The following DPP6 variants were observed in gnomAD, a reference collection of about 807,000 sequenced individuals.
DPP6 encodes the protein dipeptidyl peptidase like 6.
In DPP6, 69 loss-of-function variants were observed where a neutral mutation model predicts 122.6. That is an observed-to-expected ratio of 0.56 (90% confidence interval 0.46 to 0.69). The LOEUF is 0.69. DPP6 is among the 30% of genes least tolerant of loss of function. The pLI is 0.00. For missense variants in DPP6, 928 were observed against 1,116.9 expected, an observed-to-expected ratio of 0.83 and a Z score of 2.41; for synonymous variants, 418 against 433.1, an observed-to-expected ratio of 0.97 and a Z score of 0.43.
chr7:154,178,682 G>A lies in DPP6; in HGVS notation c.243+125619G>A, dbSNP rs533521927. 3.3e-5 allele frequency among the ~76,000 whole-genome samples: 5 copies of A among 152,278 alleles called. No individual in the cohort carries two copies. In the East Asian group the frequency reaches 7.7e-4, roughly 24 times the overall value. On this transcript the variant is annotated intron_variant, in intron 1 of 25. Transcript: ENST00000377770. ...CTTTATGCTGAAATACACAGATCAC[G>A]TTTATATAGGATTTTATCATTTGAA...
chr7:154,547,748 C>G (rs1268284198), intron 4 of DPP6, among the ~76,000 whole-genome samples: 4 of 152,154 alleles, frequency 2.6e-5, no homozygotes, highest in African/African-American at 4.8e-5. Flanking sequence ...TCCTGTGTCT[C>G]AGAGGGTCTC....
At chr7:154,425,621 G>GGGGT (rs1554545601) in intron 1 of DPP6, among the ~76,000 whole-genome samples, 12 of 121,458 alleles carry the variant, frequency 9.9e-5, no homozygotes, top group Admixed American at 6.1e-4. Context: ...TGTGTGTGTG[G>GGGGT]GTGTGTGTGT....
At chr7:153,943,231 A>T (rs1363769695) in intron 1 of DPP6, among the ~76,000 whole-genome samples, 1 of 152,244 alleles carries the variant, frequency 6.6e-6, no homozygotes, top group Non-Finnish European at 1.5e-5. Flanking sequence ...TGGCCAGCTC[A>T]TGACACTATG....
chr7:154,790,451 G>A (rs1797601736), intron 10 of DPP6, among the ~76,000 whole-genome samples: 1 of 152,122 alleles, frequency 6.6e-6, no homozygotes, highest in African/African-American at 2.4e-5. Flanking sequence ...ATGGATGCAT[G>A]TATGTAAAAA....
intron 1 of DPP6, among the ~76,000 whole-genome samples, chr7:153,942,684 C>T (rs577578771): frequency 7.9e-5 from 12 of 152,292 alleles, no homozygotes; most frequent in East Asian, 5.8e-4. Context: ...CTTGCCAGAG[C>T]GGGCTGTGTC....
the DPP6 span, among the ~76,000 whole-genome samples, chr7:153,772,962 TA>T: frequency 1.2e-5 from 1 of 85,908 alleles, no homozygotes; most frequent in African/African-American, 5.0e-5. Flanking sequence ...TAATAATATA[TA>T]AAAGAAAAGA....
At chr7:154,646,594 T>G (rs1338280995) in intron 6 of DPP6, among the ~76,000 whole-genome samples, 2 of 152,228 alleles carry the variant, frequency 1.3e-5, no homozygotes, top group Admixed American at 1.3e-4. Context: ...GTTAGATGGC[T>G]ACTTCCATTG....
chr7:154,206,250 T>C (rs949138774), intron 1 of DPP6, among the ~76,000 whole-genome samples: 2 of 152,194 alleles, frequency 1.3e-5, no homozygotes, highest in African/African-American at 4.8e-5. Context: ...GTGGCTCTCA[T>C]CAAGATCTTT....
chr7:153,982,125 T>C (rs1393226169), intron 1 of DPP6, among the ~76,000 whole-genome samples: 2 of 152,088 alleles, frequency 1.3e-5, no homozygotes, highest in African/African-American at 4.8e-5. Flanking sequence ...CTGGATAATA[T>C]CCTGAAGTGT....
chr7:153,918,528 CACACA>C (rs2129006792), intron 1 of DPP6, among the ~76,000 whole-genome samples: 2 of 67,390 alleles, frequency 3.0e-5, no homozygotes, highest in Non-Finnish European at 6.1e-5. Context: ...AATTAAAACA[CACACA>C]CACACACACA....
At chr7:154,777,354 A>T (rs1261204891) in intron 10 of DPP6, among the ~76,000 whole-genome samples, 1 of 152,172 alleles carries the variant, frequency 6.6e-6, no homozygotes, top group African/African-American at 2.4e-5. Context: ...CCCTCTTGGG[A>T]AACGGTTCTA....
chr7:154,880,969 A>T lies in DPP6; in HGVS notation c.2133+27A>T, dbSNP rs3817520. 513,753 of 1,611,860 alleles carry T rather than the reference A, an allele frequency of 0.32. 86,303 individuals carry two copies. The highest frequency in any genetic ancestry group is 0.53 in the East Asian group (23,782 of 44,778). On this transcript the variant is annotated intron_variant, in intron 21 of 25. Transcript: ENST00000377770. Reference sequence around the variant, plus strand: ...TGAGTCTGCGCCACCCTGGTCTGAAAACCCCTCAGTTCCAGTGTGGCCTGC... The same window carrying T: ...TGAGTCTGCGCCACCCTGGTCTGAATACCCCTCAGTTCCAGTGTGGCCTGC...
chr7:154,272,342 T>C (rs1803850372), intron 1 of DPP6, among the ~76,000 whole-genome samples: 1 of 152,234 alleles, frequency 6.6e-6, no homozygotes, highest in Non-Finnish European at 1.5e-5. Context: ...CTGTTACTTC[T>C]TATGGTCCTT....
At chr7:154,520,445 C>T (rs1240359847) in intron 3 of DPP6, among the ~76,000 whole-genome samples, 1 of 152,258 alleles carries the variant, frequency 6.6e-6, no homozygotes, top group Admixed American at 6.5e-5. Flanking sequence ...CTGCATACTT[C>T]TGGCATAGCC....
intron 8 of DPP6, among the ~76,000 whole-genome samples, chr7:154,756,315 T>C (rs1359107371): frequency 6.6e-6 from 1 of 152,184 alleles, no homozygotes; most frequent in African/African-American, 2.4e-5. Context: ...TGCGGCTTCC[T>C]CTGCTCCCTC....
chr7:154,754,391 T>G (rs1188887463), intron 8 of DPP6, among the ~76,000 whole-genome samples: 1 of 152,230 alleles, frequency 6.6e-6, no homozygotes, highest in Non-Finnish European at 1.5e-5. Flanking sequence ...AAATCCAAAC[T>G]CTGGTAAATC....
chr7:154,367,282 A>G (rs1262508713), intron 1 of DPP6, among the ~76,000 whole-genome samples: 1 of 152,248 alleles, frequency 6.6e-6, no homozygotes, highest in Non-Finnish European at 1.5e-5. Context: ...AGACATTTCT[A>G]CTAGCCTTGG....
intron 1 of DPP6, among the ~76,000 whole-genome samples, chr7:153,924,596 G>C (rs2129010328): frequency 6.6e-6 from 1 of 152,304 alleles, no homozygotes; most frequent in South Asian, 2.1e-4. Context: ...CTGGATCACA[G>C]CACTGGGAAT....
intron 8 of DPP6, among the ~76,000 whole-genome samples, chr7:154,754,696 A>G (rs1481458472): frequency 6.6e-6 from 1 of 152,216 alleles, no homozygotes; most frequent in Non-Finnish European, 1.5e-5. Context: ...TTGCAGCACT[A>G]TTTACAATAG....
Sources: gnomAD v4.1 joint callset for allele counts (sites outside exome capture counted in the v4.1 genomes callset) on GRCh38, gnomAD v4.1.1 for gene constraint, MANE v1.5 for transcripts, NCBI Gene and HGNC (gene_info 2026-07-23, HGNC 2026-07-21) for gene names.